Variants in GFRA2 observed in about 807,000 individuals in gnomAD.
GFRA2 encodes the protein GDNF family receptor alpha 2, also known as GDNF family receptor alpha-2.
In GFRA2, 17 loss-of-function variants were observed where a neutral mutation model predicts 48.3. The ratio of observed to expected loss-of-function variants is 0.35; its 90% CI spans 0.24 to 0.53. The LOEUF is 0.53. Ranked by LOEUF, GFRA2 falls within the 20% of genes least tolerant of loss-of-function variation. The pLI, the probability that GFRA2 is intolerant of heterozygous loss-of-function variation, is 0.93. For missense variants in GFRA2, 660 were observed against 637.3 expected, an observed-to-expected ratio of 1.04 and a Z score of -0.38; for synonymous variants, 305 against 257.2, an observed-to-expected ratio of 1.19 and a Z score of -1.78.
Position 21,692,544 on chromosome 8 carries a change from A to T in GFRA2, c.*734T>A, listed in dbSNP as rs545624081. On this transcript the variant is annotated 3_prime_UTR_variant, in exon 9 of 9. Transcript: ENST00000524240. ...TTCAAAATTTCTGCCACCGAGAAAG[A>T]AGCTGGTGCCCAAGTTTTAATGCCT... The T allele has an allele frequency of 6.6e-6, 1 of 152,156 alleles. No homozygotes were observed. The highest frequency in any genetic ancestry group is 6.5e-5 in the Admixed American group (1 of 15,284). 9.4% of individuals were successfully genotyped at this position (152,156 alleles called of 1,614,324 possible). A position where few individuals can be genotyped will look rare whatever the true frequency, so the allele number is the denominator to read the frequency against.
At position 21,728,182 on chromosome 8, in the gene GFRA2, A is replaced by T. The variant is rs187058221; in HGVS notation, c.795-22141T>A. ...GTGGTTCTCAACCCTCACCATGAAC[A>T]AAATTCCCCAGGGAGCCCAGGACAC... On this transcript the variant is annotated intron_variant, in intron 4 of 8. Transcript: ENST00000524240. Among the ~76,000 whole-genome samples the T allele has an allele frequency of 2.6e-5, 4 of 151,674 alleles. No individual in the cohort carries two copies. The East Asian group carries it at 7.7e-4, about 29-fold the overall frequency.
intron 1 of GFRA2, among the ~76,000 whole-genome samples, chr8:21,785,483 G>A (rs1171229496): frequency 3.3e-5 from 5 of 152,346 alleles, no homozygotes; most frequent in East Asian, 3.9e-4. Context: ...AGGGCAGGGG[G>A]TGTCCTGGTG....
intron 2 of GFRA2, chr8:21,779,532 G>T (rs1806871642): frequency 6.6e-6 from 1 of 152,264 alleles, no homozygotes; most frequent in Non-Finnish European, 1.5e-5. Context: ...CCAGAAAGAA[G>T]ACAAGAAACA....
At chr8:21,805,318 C>A (rs1449629291) in intron 1 of GFRA2, among the ~76,000 whole-genome samples, 1 of 152,182 alleles carries the variant, frequency 6.6e-6, no homozygotes, top group Non-Finnish European at 1.5e-5. Context: ...TGGGCATGAA[C>A]ATCTGGTAGC....
chr8:21,789,118 TGGCGGCGGCGGC>T (rs1197496542), upstream of GFRA2: 1 of 167,380 alleles, frequency 6.0e-6, no homozygotes, highest in Non-Finnish European at 1.2e-5. Context: ...GCGGTGGCGG[TGGCGGCGGCGGC>T]GGCGCCGGGG....
At chr8:21,742,354 G>A (rs930045259) in intron 4 of GFRA2, among the ~76,000 whole-genome samples, 9 of 152,078 alleles carry the variant, frequency 5.9e-5, no homozygotes, top group Admixed American at 3.9e-4. Context: ...CTGCCTCTGC[G>A]TGCACACATC....
At chr8:21,697,935 T>C (rs1485722829) in intron 7 of GFRA2, among the ~76,000 whole-genome samples, 2 of 152,212 alleles carry the variant, frequency 1.3e-5, no homozygotes, top group East Asian at 3.8e-4. Flanking sequence ...CATGTGGAAC[T>C]GTGAGTCCAC....
At chr8:21,799,388 T>A (rs2117111600) in intron 2 of GFRA2, among the ~76,000 whole-genome samples, 1 of 152,188 alleles carries the variant, frequency 6.6e-6, no homozygotes, top group South Asian at 2.1e-4. Context: ...CAGCTAAATT[T>A]TTTGTATTTT....
chr8:21,704,261 G>A (rs968606983), intron 6 of GFRA2, among the ~76,000 whole-genome samples: 1 of 152,198 alleles, frequency 6.6e-6, no homozygotes, highest in South Asian at 2.1e-4. Context: ...AGCCTTCAGG[G>A]CCTCCCTCTT....
Position 21,693,094 on chromosome 8 carries a change from G to C in GFRA2, c.*184C>G, listed in dbSNP as rs552540605. The C allele has an allele frequency of 6.2e-5, 30 of 481,448 alleles. No homozygotes were observed. The highest frequency in any genetic ancestry group is 9.1e-5 in the Non-Finnish European group (26 of 287,070). The allele number at this position is 481,448 out of a possible 1,614,324, so 29.8% of individuals were successfully genotyped here. ...CAGCTCTCAGGCTGCCTGCCTGCTT[G>C]TCTGTTTGGTTTACAAAAACTTCTC... On this transcript the variant is annotated 3_prime_UTR_variant, in exon 9 of 9. Coordinates refer to ENST00000524240, the MANE Select transcript of GFRA2 (RefSeq NM_001495.5).
At chr8:21,721,250 G>T (rs1302866445) in intron 4 of GFRA2, among the ~76,000 whole-genome samples, 3 of 152,218 alleles carry the variant, frequency 2.0e-5, no homozygotes, top group Non-Finnish European at 4.4e-5. Context: ...CCTCCAGTGT[G>T]TCTGCCTTTC....
intron 4 of GFRA2, 23 bp from the exon 5 acceptor site, chr8:21,706,064 A>T: frequency 6.7e-7 from 1 of 1,486,716 alleles, no homozygotes; most frequent in Admixed American, 2.0e-5. Flanking sequence ...AGAAGACGCA[A>T]TAGAGAAAAC....
rs1250870682 is a variant in GFRA2 at position 21,788,454 on chromosome 8, G to C, written c.-295C>G. On this transcript the variant is annotated 5_prime_UTR_variant, in exon 1 of 9. Coordinates refer to ENST00000524240, the MANE Select transcript of GFRA2 (RefSeq NM_001495.5). The stretch of plus-strand genomic sequence containing the variant: ...TTCTAAGCCAACAGCCCAGTCCTGG[G>C]GTCAGCCCTCCCCTCCAATCGTCCG... 1.5e-5 allele frequency: 17 copies of C among 1,150,480 alleles called. No individual in the cohort carries two copies. The highest frequency in any genetic ancestry group is 1.7e-5 in the Non-Finnish European group (16 of 936,726). 71.3% of individuals were successfully genotyped at this position (1,150,480 alleles called of 1,614,324 possible).
At chr8:21,777,214 T>A (rs1806748902) in intron 2 of GFRA2, among the ~76,000 whole-genome samples, 1 of 152,238 alleles carries the variant, frequency 6.6e-6, no homozygotes, top group African/African-American at 2.4e-5. Context: ...CTGTGAATAC[T>A]GTCTCCCAAA....
intron 4 of GFRA2, chr8:21,706,395 C>A: frequency 2.1e-6 from 1 of 474,112 alleles, no homozygotes; most frequent in Non-Finnish European, 4.2e-6. Flanking sequence ...GGCAGGAAAG[C>A]TGGGTCCACC....
At position 21,796,755 on chromosome 8, in the gene GFRA2, G is replaced by C. The variant is rs1216508068; in HGVS notation, c.-36+8262C>G. Among the ~76,000 whole-genome samples, 4 of 152,160 alleles carry C rather than the reference G, an allele frequency of 2.6e-5. No homozygotes were observed. In the East Asian group the frequency reaches 7.7e-4, roughly 29 times the overall value. On this transcript the variant is annotated intron_variant, in intron 2 of 10. Transcript: ENST00000517328. ...TCCTGGTATCCTATCTCTCTTTCCA[G>C]AATAGGAAACCCTGGGTGGCAGAGC...
chr8:21,711,381 C>A (rs1214749539), intron 4 of GFRA2, among the ~76,000 whole-genome samples: 1 of 152,118 alleles, frequency 6.6e-6, no homozygotes, highest in Admixed American at 6.5e-5. Flanking sequence ...TGAAGAGGAG[C>A]CAAGTCCATC....
At chr8:21,775,100 A>G (rs1001917937) in intron 2 of GFRA2, 45 bp from the exon 3 acceptor site, 127 of 972,920 alleles carry the variant, frequency 1.3e-4, no homozygotes, top group Non-Finnish European at 2.0e-4. Flanking sequence ...TCCGGGCCAG[A>G]GCGCTGCCGG....
In GFRA2 at chr8:21,721,630, G is replaced by C. The variant is rs182057512; in HGVS notation, c.795-15589C>G. Among the ~76,000 whole-genome samples, 224 of 152,302 alleles carry C rather than the reference G, an allele frequency of 1.5e-3. 1 individual carries two copies. The highest frequency in any genetic ancestry group is 5.2e-3 in the African/African-American group (217 of 41,568). On this transcript the variant is annotated intron_variant, in intron 4 of 8. Coordinates refer to ENST00000524240, the MANE Select transcript of GFRA2 (RefSeq NM_001495.5). Reference sequence around the variant, plus strand: ...AACCACCCTATGCAAAACTAGCTCTGAAAAATAGAATTGGCTGTATACCTG... The same window carrying C: ...AACCACCCTATGCAAAACTAGCTCTCAAAAATAGAATTGGCTGTATACCTG...
Sources: allele counts gnomAD v4.1 joint callset (sites outside exome capture counted in the v4.1 genomes callset), GRCh38; gene constraint gnomAD v4.1.1; transcripts MANE v1.5; gene names NCBI Gene and HGNC (gene_info 2026-07-23, HGNC 2026-07-21).